SPAG17: variants seen among roughly 807,000 people sequenced by gnomAD.
SPAG17 encodes the protein sperm associated antigen 17.
Under a neutral mutation model 273.6 loss-of-function variants are expected in SPAG17, and 169 were observed. That is an observed-to-expected ratio of 0.62 (90% CI 0.55 to 0.70). The LOEUF (loss-of-function observed/expected upper bound fraction) is 0.70, where lower values mean the gene tolerates loss of function less well. SPAG17 is among the 30% of genes least tolerant of loss of function. The pLI is 0.00. For synonymous variants in SPAG17, 825 were observed against 873.2 expected (o/e 0.94, Z 0.97); for missense variants, 2,557 against 2,627.8 (o/e 0.97, Z 0.59).
intron 23 of SPAG17, among the ~76,000 whole-genome samples, chr1:118,038,318 T>C (rs998551184): frequency 6.6e-6 from 1 of 152,316 alleles, no homozygotes; most frequent in African/African-American, 2.4e-5. Flanking sequence ...CATTCATTAC[T>C]GTGGGAATGC....
rs1311880986 is a variant in SPAG17 at position 118,002,804 on chromosome 1, T to G, written c.4776+2610A>C. Among the ~76,000 whole-genome samples, 4 of 152,236 alleles carry G rather than the reference T, an allele frequency of 2.6e-5. No homozygotes were observed. The East Asian group carries it at 7.7e-4, about 29-fold the overall frequency. ...AATTTGCCAGTCTATGTCTTTTAAT[T>G]GGGGCATTTAGCCCATTTACATTTA... On this transcript the variant is annotated intron_variant, in intron 32 of 48. Coordinates refer to ENST00000336338, the MANE Select transcript of SPAG17 (RefSeq NM_206996.4).
chr1:117,989,843 G>A (rs1656877629), intron 38 of SPAG17, among the ~76,000 whole-genome samples: 1 of 152,076 alleles, frequency 6.6e-6, no homozygotes, highest in African/African-American at 2.4e-5. Context: ...GCCTCCCGAA[G>A]TGCTAGGATT....
intron 1 of SPAG17, among the ~76,000 whole-genome samples, chr1:118,158,453 A>C (rs1659760524): frequency 1.3e-5 from 2 of 152,314 alleles, no homozygotes; most frequent in East Asian, 3.9e-4. Context: ...TACTTGGCTT[A>C]AAAAATATGA....
intron 48 of SPAG17, chr1:117,959,145 G>A: frequency 3.0e-6 from 4 of 1,314,290 alleles, no homozygotes; most frequent in East Asian, 2.4e-5. Flanking sequence ...AGAATTAGTA[G>A]GAATAGAAAA....
At chr1:118,099,933 C>A in intron 5 of SPAG17, 133 bp from the exon 6 acceptor site, 1 of 692,458 alleles carries the variant, frequency 1.4e-6, no homozygotes, top group Non-Finnish European at 2.3e-6. Context: ...ATCCAGTTGG[C>A]TGGAATGCAG....
chr1:117,975,135 T>A (rs1159879437), intron 43 of SPAG17, among the ~76,000 whole-genome samples: 1 of 152,130 alleles, frequency 6.6e-6, no homozygotes. Flanking sequence ...TCATGATCTC[T>A]GCCACATGGA....
At position 118,091,651 on chromosome 1, in the gene SPAG17, C is replaced by T. The variant is rs1382553439; in HGVS notation, c.1314G>A (p.Glu438=). 3 of 1,612,976 alleles carry T rather than the reference C, an allele frequency of 1.9e-6. No individual in the cohort carries two copies. The highest frequency in any genetic ancestry group is 2.2e-5 in the South Asian group (2 of 90,998). Residue 438 remains glutamate (E), a synonymous_variant, in exon 10 of 49, where the codon GAG becomes GAA. Transcript: ENST00000336338. ...GTATCAGGGGCACAGAAATGAATTC[C>T]TCTCGAATTGGATTCAGCAAATAAT... is the stretch of plus-strand genomic sequence containing the variant. ...YYNYLLNPIR[E]EFISVPLILH... is the part of the protein sequence containing the mutation.
intron 18 of SPAG17, among the ~76,000 whole-genome samples, chr1:118,065,660 T>C (rs1652883084): frequency 6.6e-6 from 1 of 152,048 alleles, no homozygotes. Flanking sequence ...CACTAGAATA[T>C]CTGTTAATGA....
intron 39 of SPAG17, 99 bp from the exon 40 acceptor site, chr1:117,987,980 G>C (rs1244567664): frequency 1.4e-6 from 2 of 1,466,480 alleles, no homozygotes; most frequent in African/African-American, 2.8e-5. Context: ...ATTATTAATA[G>C]TATGGGAGAT....
chr1:118,059,517 A>C (rs1196525922), intron 18 of SPAG17, among the ~76,000 whole-genome samples: 1 of 152,082 alleles, frequency 6.6e-6, no homozygotes, highest in Non-Finnish European at 1.5e-5. Flanking sequence ...GAACACTTAA[A>C]ATTAGGAATC....
chr1:117,958,980 A>G (rs992489735), intron 48 of SPAG17: 1 of 1,614,042 alleles, frequency 6.2e-7, no homozygotes. Context: ...GGAAACAACT[A>G]TTTCAAAAGT....
intron 3 of SPAG17, among the ~76,000 whole-genome samples, chr1:118,138,251 G>T (rs943992871): frequency 6.6e-5 from 10 of 152,264 alleles, no homozygotes; most frequent in Non-Finnish European, 8.8e-5. Flanking sequence ...CAAATACGTT[G>T]TTTGCAAAAT....
chr1:118,066,158 G>T (rs1488946681), intron 18 of SPAG17, among the ~76,000 whole-genome samples: 1 of 151,920 alleles, frequency 6.6e-6, no homozygotes, highest in African/African-American at 2.4e-5. Flanking sequence ...TAAAAAAAAT[G>T]CTATACAAAT....
intron 3 of SPAG17, among the ~76,000 whole-genome samples, chr1:118,136,786 A>AGTGTGTGT (rs1189168115): frequency 7.9e-5 from 10 of 126,462 alleles, no homozygotes; most frequent in Middle Eastern, 7.4e-3. Context: ...AAAGGGGTAA[A>AGTGTGTGT]GTGTGTGTGT....
chr1:118,024,269 C>G (rs10923473), intron 27 of SPAG17, among the ~76,000 whole-genome samples: 9,603 of 151,490 alleles, frequency 0.063, 511 homozygotes, highest in East Asian at 0.31. Context: ...ACCCTTTTTC[C>G]ATATCTCTCA....
rs1166440648 is a variant in SPAG17, at chr1:117,998,515, T to C, written c.4777-1772A>G. ...TGCCTCAACCTTTGTTCTTTTTGCT[T>C]AGGATTGCTTTGGCTATTTGGGCTC... is the stretch of plus-strand genomic sequence containing the variant. On this transcript the variant is annotated intron_variant, in intron 32 of 48. Coordinates refer to ENST00000336338, the MANE Select transcript of SPAG17 (RefSeq NM_206996.4). Among the ~76,000 whole-genome samples the C allele has an allele frequency of 1.3e-5, 2 of 152,170 alleles. 1 individual carries two copies. The highest frequency in any genetic ancestry group is 4.8e-5 in the African/African-American group (2 of 41,552).
intron 39 of SPAG17, 78 bp from the exon 40 acceptor site, chr1:117,987,959 C>A: frequency 6.6e-7 from 1 of 1,525,986 alleles, no homozygotes; most frequent in Non-Finnish European, 9.0e-7. Context: ...ACCCTCACCA[C>A]TATATGATGA....
At chr1:118,077,472 C>G (rs963685640) in intron 15 of SPAG17, among the ~76,000 whole-genome samples, 1 of 152,008 alleles carries the variant, frequency 6.6e-6, no homozygotes, top group African/African-American at 2.4e-5. Context: ...TCCAGCACAC[C>G]AATTTATGTA....
At chr1:118,165,619 G>C (rs1361103151) in intron 1 of SPAG17, among the ~76,000 whole-genome samples, 1 of 145,890 alleles carries the variant, frequency 6.9e-6, no homozygotes, top group Non-Finnish European at 1.5e-5. Flanking sequence ...GTAACAACAA[G>C]TGTAAATTAA....
Sources: allele counts gnomAD v4.1 joint callset (sites outside exome capture counted in the v4.1 genomes callset), GRCh38; gene constraint gnomAD v4.1.1; transcripts MANE v1.5; gene names NCBI Gene and HGNC (gene_info 2026-07-23, HGNC 2026-07-21).